CNRIP1: variants seen among roughly 807,000 people sequenced by gnomAD.
The protein encoded by CNRIP1 is CB1 cannabinoid receptor-interacting protein 1.
Under a neutral mutation model 15.2 loss-of-function variants are expected in CNRIP1, and 10 were observed. The observed-to-expected ratio is 0.66, with a 90% confidence interval of 0.41 to 1.12. The LOEUF (loss-of-function observed/expected upper bound fraction) is 1.12. Among genes scored for constraint, CNRIP1 ranks in the 50% most tolerant of loss-of-function variants. CNRIP1 has a pLI of 0.00. For synonymous variants in CNRIP1, 91 were observed against 83.2 expected (o/e 1.09, Z -0.51); for missense variants, 211 against 214.7 (o/e 0.98, Z 0.11).
chr2:68,317,408 T>A (rs541424417), intron 1 of CNRIP1, 101 bp from the exon 2 acceptor site: 3 of 1,253,302 alleles, frequency 2.4e-6, no homozygotes, highest in African/African-American at 1.5e-5. Context: ...AGGGTTTCAC[T>A]AAGGGGGGCA....
intron 2 of CNRIP1, chr2:68,315,869 G>A (rs1164783919): frequency 6.6e-6 from 1 of 151,896 alleles, no homozygotes. Flanking sequence ...TTAGAGACAG[G>A]GTCCCACTAT....
At position 68,305,312 on chromosome 2, in the gene CNRIP1, G is replaced by GTGTGTGTGTGTGTA. The variant is rs1285507186; in HGVS notation, c.331-11287_331-11286insTACACACACACACA. Among the ~76,000 whole-genome samples the GTGTGTGTGTGTGTA allele has an allele frequency of 2.3e-5, 3 of 129,094 alleles. 1 individual carries two copies. Among genetic ancestry groups the GTGTGTGTGTGTGTA allele is most frequent in the Admixed American group, 1.6e-4 (2 of 12,478 alleles). The allele number at this position is 129,094 out of a possible 152,430, so 84.7% of individuals were successfully genotyped here. ...TGTGTGTGTGTGTGTGTGTGTGTGT[G>GTGTGTGTGTGTGTA]TACATATAAAACATATATAATATAT... is the stretch of plus-strand genomic sequence containing the variant. On this transcript the variant is annotated intron_variant, in intron 2 of 2. Transcript: ENST00000263655.
chr2:68,294,000 T>A lies in CNRIP1; in HGVS notation c.357A>T (p.Thr119=), dbSNP rs772554695. 8.1e-6 allele frequency: 13 copies of A among 1,613,914 alleles called. No individual in the cohort carries two copies. The highest frequency in any genetic ancestry group is 1.1e-5 in the Non-Finnish European group (13 of 1,179,940). ...MPFTDIGTFE[T]VWQVKFYNYH... Reference sequence around the variant, plus strand: ...AATTGTAGAACTTGACTTGCCACACTGTCTCGAAGGTCCCAATGTCTGTGA... The same window carrying A: ...AATTGTAGAACTTGACTTGCCACACAGTCTCGAAGGTCCCAATGTCTGTGA... Residue 119 remains threonine (T), a synonymous_variant, in exon 3 of 3, where the codon ACA becomes ACT. Transcript: ENST00000263655.
chr2:68,315,223 A>G (rs1672228423), intron 2 of CNRIP1, among the ~76,000 whole-genome samples: 1 of 152,200 alleles, frequency 6.6e-6, no homozygotes, highest in African/African-American at 2.4e-5. Flanking sequence ...CCATGAAGCA[A>G]ATACAAATAG....
intron 2 of CNRIP1, among the ~76,000 whole-genome samples, chr2:68,295,877 A>C (rs1301859275): frequency 6.6e-6 from 1 of 152,236 alleles, no homozygotes; most frequent in Non-Finnish European, 1.5e-5. Flanking sequence ...AGATGAGTCC[A>C]TTTATTACAT....
In CNRIP1 at chr2:68,319,499, G is replaced by C. The variant is rs953442585; in HGVS notation, c.-99C>G. 3.3e-6 allele frequency: 4 copies of C among 1,227,832 alleles called. No individual in the cohort carries two copies. The African/African-American group carries it at 4.8e-5, about 15-fold the overall frequency. 76.1% of individuals were successfully genotyped at this position (1,227,832 alleles called of 1,614,324 possible). On this transcript the variant is annotated 5_prime_UTR_variant, in exon 1 of 3. Coordinates refer to ENST00000263655, the MANE Select transcript of CNRIP1 (RefSeq NM_015463.3). ...GCGAGGGGCGGAGAGGAAGCGCGGG[G>C]AGGGTGAGGGAGGTGGTGGAGCTGA...
At position 68,293,874 on chromosome 2, in the gene CNRIP1, C is replaced by T. The variant is rs762638455; in HGVS notation, c.483G>A (p.Glu161=). The change falls in exon 3 of 3, where the codon GAG becomes GAA. Residue 161 remains glutamate, a synonymous_variant. Transcript: ENST00000263655. ...GAAAGAGCCACTTTCAGAGGAAGGA[C>T]TCCTTGTTCACCCACATCAGACTGC... ...ETRSLMWVNK[E]SFL The T allele has an allele frequency of 6.2e-7, 1 of 1,613,696 alleles. No homozygotes were observed. The highest frequency in any genetic ancestry group is 1.7e-5 in the Admixed American group (1 of 59,978).
chr2:68,284,577 C>G (rs1670981715), intron 2 of CNRIP1: 6 of 715,658 alleles, frequency 8.4e-6, no homozygotes, highest in African/African-American at 7.2e-5. Flanking sequence ...TTTGGGAGGC[C>G]AAGGCAGGCA....
chr2:68,311,432 T>C lies in CNRIP1; in HGVS notation c.330+5725A>G, dbSNP rs549465189. 2.0e-5 allele frequency among the ~76,000 whole-genome samples: 3 copies of C among 152,220 alleles called. No individual in the cohort carries two copies. The East Asian group carries it at 5.8e-4, about 29-fold the overall frequency. Reference sequence around the variant, plus strand: ...AAAAGGCCAATAAAACTGAAATCTCTAGCTAGACTAATCAGAGGGTATAAA... The same window carrying C: ...AAAAGGCCAATAAAACTGAAATCTCCAGCTAGACTAATCAGAGGGTATAAA... On this transcript the variant is annotated intron_variant, in intron 2 of 2. Transcript: ENST00000263655.
chr2:68,293,795 C>A lies in CNRIP1; in HGVS notation c.*67G>T. On this transcript the variant is annotated 3_prime_UTR_variant, in exon 3 of 3. Transcript: ENST00000263655. ...ATGGTGTGGCATGCCTTGTTTAAGG[C>A]CTGCGCTGGTTTATCTAAAAGTAGA... The A allele has an allele frequency of 6.4e-7, 1 of 1,573,416 alleles. No homozygotes were observed. The highest frequency in any genetic ancestry group is 8.7e-7 in the Non-Finnish European group (1 of 1,155,578).
chr2:68,308,066 G>C (rs1671925462), intron 2 of CNRIP1, among the ~76,000 whole-genome samples: 2 of 152,002 alleles, frequency 1.3e-5, no homozygotes, highest in South Asian at 4.2e-4. Flanking sequence ...GGTGGCATGT[G>C]GCTGTAGTCC....
At chr2:68,297,922 TA>T (rs1671440181) in intron 2 of CNRIP1, among the ~76,000 whole-genome samples, 1 of 152,190 alleles carries the variant, frequency 6.6e-6, no homozygotes, top group Non-Finnish European at 1.5e-5. Flanking sequence ...TGAAAAATAT[TA>T]CCTTCTAAGT....
chr2:68,306,124 C>CAGAAAA (rs1671833903), intron 2 of CNRIP1, among the ~76,000 whole-genome samples: 1 of 25,328 alleles, frequency 3.9e-5, no homozygotes, highest in Non-Finnish European at 7.0e-5. Context: ...CCCACCTCTA[C>CAGAAAA]AAAAAAAAAA....
chr2:68,292,951 A>G, downstream of CNRIP1: 2 of 881,226 alleles, frequency 2.3e-6, no homozygotes, highest in Non-Finnish European at 2.7e-6. Flanking sequence ...AAGCTGGCCT[A>G]GAGCAGGGAT....
At position 68,293,307 on chromosome 2, in the gene CNRIP1, C is replaced by T; in HGVS notation, c.*555G>A. The T allele has an allele frequency of 1.0e-6, 1 of 985,956 alleles. No individual in the cohort carries two copies. The highest frequency in any genetic ancestry group is 1.2e-6 in the Non-Finnish European group (1 of 830,274). 61.1% of individuals were successfully genotyped at this position (985,956 alleles called of 1,614,324 possible). The stretch of plus-strand genomic sequence containing the variant: ...GTCCTTCTAGTTTGTTACCATCCTT[C>T]CCTGAAAGAGCGGAGCTGTTTATAG... On this transcript the variant is annotated 3_prime_UTR_variant, in exon 3 of 3. Transcript: ENST00000263655.
At chr2:68,312,765 A>G (rs1347202469) in intron 2 of CNRIP1, among the ~76,000 whole-genome samples, 1 of 152,194 alleles carries the variant, frequency 6.6e-6, no homozygotes, top group Non-Finnish European at 1.5e-5. Flanking sequence ...TTCAATATCA[A>G]TATACAAAAA....
At chr2:68,284,323 T>C in exon 3 of CNRIP1, 1 of 650,402 alleles carries the variant, frequency 1.5e-6, no homozygotes, top group Non-Finnish European at 2.4e-6. Flanking sequence ...TCCCCGATAA[T>C]TCTGATGGCC....
rs773661608 is a variant in CNRIP1, at chr2:68,317,038, A to G, written c.330+119T>C. ...ATGCTTGAAGGAAATCCACAACTCA[A>G]TTTCCACAGTAATTGGCTCCCAACA... On this transcript the variant is annotated intron_variant, in intron 2 of 2. Coordinates refer to ENST00000263655, the MANE Select transcript of CNRIP1 (RefSeq NM_015463.3). 3.2e-6 allele frequency: 4 copies of G among 1,253,482 alleles called. No individual in the cohort carries two copies. The African/African-American group carries it at 5.9e-5, about 19-fold the overall frequency. 77.6% of individuals were successfully genotyped at this position (1,253,482 alleles called of 1,614,324 possible).
chr2:68,296,700 C>T (rs11682576), intron 2 of CNRIP1, among the ~76,000 whole-genome samples: 27,150 of 151,948 alleles, frequency 0.18, 2,694 homozygotes, highest in Middle Eastern at 0.29. Context: ...TGCAGCAGCA[C>T]GATCTCGGCT....
Sources: gnomAD v4.1 joint callset for allele counts (sites outside exome capture counted in the v4.1 genomes callset) on GRCh38, gnomAD v4.1.1 for gene constraint, MANE v1.5 for transcripts, NCBI Gene and HGNC (gene_info 2026-07-23, HGNC 2026-07-21) for gene names.